Variants in DDAH1 observed in about 807,000 individuals in gnomAD.
DDAH1 encodes the protein N(G),N(G)-dimethylarginine dimethylaminohydrolase 1.
Under a neutral mutation model 28.8 loss-of-function variants are expected in DDAH1, and 19 were observed. The ratio of observed to expected loss-of-function variants is 0.66; its 90% CI spans 0.46 to 0.97. The LOEUF is 0.97. DDAH1 is among the 50% of genes least tolerant of loss of function. The probability of loss-of-function intolerance (pLI) is 0.00; values close to 1 mark genes in which losing one functional copy is unlikely to be tolerated. For missense variants in DDAH1, 326 were observed against 375.9 expected (o/e 0.87, Z 1.10); for synonymous variants, 153 against 154.4 (o/e 0.99, Z 0.07).
chr1:85,418,030 T>C lies in DDAH1; in HGVS notation c.303+46713A>G, dbSNP rs137873278. 2.6e-3 allele frequency among the ~76,000 whole-genome samples: 402 copies of C among 152,338 alleles called. 4 individuals carry two copies. Among genetic ancestry groups the C allele is most frequent in the African/African-American group, 9.3e-3 (388 of 41,576 alleles). On this transcript the variant is annotated intron_variant, in intron 1 of 5. Transcript: ENST00000284031. ...GCAGAAGATAAGCTTTCAGACAGTT[T>C]GATTAGGATGGGCATAATGACCAAA...
At chr1:85,348,442 G>A (rs1475521327) in intron 4 of DDAH1, among the ~76,000 whole-genome samples, 2 of 152,096 alleles carry the variant, frequency 1.3e-5, no homozygotes, top group Non-Finnish European at 2.9e-5. Context: ...CTTCCTCACT[G>A]TTAAGTTCCT....
At chr1:85,468,818 G>A (rs951688023), upstream of DDAH1, among the ~76,000 whole-genome samples, 2 of 152,016 alleles carry the variant, frequency 1.3e-5, no homozygotes, top group African/African-American at 2.4e-5. Flanking sequence ...GCGCCTAGCC[G>A]GGAACTCTCC....
intron 2 of DDAH1, chr1:85,495,235 T>C (rs180842629): frequency 2.3e-4 from 35 of 152,128 alleles, no homozygotes; most frequent in African/African-American, 8.2e-4. Context: ...TTCAAGGAAT[T>C]TACAATCTGG....
At chr1:85,331,279 C>G (rs1218299603) in intron 4 of DDAH1, among the ~76,000 whole-genome samples, 1 of 152,104 alleles carries the variant, frequency 6.6e-6, no homozygotes, top group Non-Finnish European at 1.5e-5. Context: ...TTAAAAAATC[C>G]TGGGCTATGT....
rs549533676 is a variant in DDAH1 at position 85,452,615 on chromosome 1, C to T, written c.303+12128G>A. Among the ~76,000 whole-genome samples, 4 of 151,922 alleles carry T rather than the reference C, an allele frequency of 2.6e-5. No individual in the cohort carries two copies. In the South Asian group the frequency reaches 8.3e-4, roughly 32 times the overall value. ...GTTGAACTTAAAATTTGAAAATCAC[C>T]ATCTAGACCTAGAGTAAAAGAACAA... On this transcript the variant is annotated intron_variant, in intron 1 of 5. Coordinates refer to ENST00000284031, the MANE Select transcript of DDAH1 (RefSeq NM_012137.4).
intron 2 of DDAH1, among the ~76,000 whole-genome samples, chr1:85,492,498 T>C (rs624860): frequency 0.99 from 151,124 of 152,318 alleles, 74,987 homozygotes; most frequent in Middle Eastern, 1. Context: ...CTCGAAAGGA[T>C]ATAGATAAGC....
intron 4 of DDAH1, 143 bp from the exon 5 acceptor site, chr1:85,325,026 AC>A (rs1647287023): frequency 1.1e-6 from 1 of 899,608 alleles, no homozygotes; most frequent in Non-Finnish European, 1.6e-6. Flanking sequence ...ACCTCCAGTC[AC>A]TTAGAACCAG....
intron 1 of DDAH1, among the ~76,000 whole-genome samples, chr1:85,447,582 T>A (rs1654492454): frequency 6.6e-6 from 1 of 152,174 alleles, no homozygotes; most frequent in African/African-American, 2.4e-5. Context: ...ATGTTTCAGT[T>A]ATTTGCAACC....
chr1:85,563,988 A>T (rs1026686166), intron 1 of DDAH1, among the ~76,000 whole-genome samples: 1 of 152,200 alleles, frequency 6.6e-6, no homozygotes, highest in African/African-American at 2.4e-5. Flanking sequence ...CCTGGTCAAC[A>T]TGGTGAAACC....
chr1:85,537,240 C>T (rs557067808), intron 1 of DDAH1, among the ~76,000 whole-genome samples: 1 of 150,988 alleles, frequency 6.6e-6, no homozygotes, highest in African/African-American at 2.4e-5. Flanking sequence ...AGGTTGAGGT[C>T]GGAGGATCAC....
chr1:85,369,604 C>G (rs147298652), intron 1 of DDAH1, among the ~76,000 whole-genome samples: 1 of 152,276 alleles, frequency 6.6e-6, no homozygotes, highest in East Asian at 1.9e-4. Context: ...TGTTCATTTG[C>G]TTAGTCATTC....
chr1:85,393,679 T>G, intron 1 of DDAH1, among the ~76,000 whole-genome samples: 1 of 152,222 alleles, frequency 6.6e-6, no homozygotes, highest in Admixed American at 6.5e-5. Context: ...TTTATAGTAC[T>G]TTTCCTGCCC....
Position 85,464,823 on chromosome 1 carries a change from C to T in DDAH1, c.223G>A (p.Val75Ile), listed in dbSNP as rs748885831. ...ACCACGGCCACGTCCTCCACGAAGA[C>T]GCAGTCCGGAAGGCTCTCGTCGGCC... is the stretch of plus-strand genomic sequence containing the variant. Reference protein sequence around the residue: ...LPADESLPDCVFVEDVAVVCE... With the variant: ...LPADESLPDCIFVEDVAVVCE... The change falls in exon 1 of 6, where the codon GTC becomes ATC. Residue 75 changes from valine (V) to isoleucine (I), a missense_variant. Val to Ile is a conservative substitution (Grantham distance 29). Transcript: ENST00000284031. The surrounding 1 kb of genome is among the most constrained non-coding windows in gnomAD (Gnocchi z 4.4). 3.1e-6 allele frequency: 5 copies of T among 1,588,632 alleles called. No homozygotes were observed. In the South Asian group the frequency reaches 4.5e-5, roughly 14 times the overall value.
At chr1:85,549,927 C>T (rs1420661547) in intron 1 of DDAH1, among the ~76,000 whole-genome samples, 1 of 151,912 alleles carries the variant, frequency 6.6e-6, no homozygotes, top group Non-Finnish European at 1.5e-5. Flanking sequence ...CACTGGAACC[C>T]AGAGCTCTTC....
intron 1 of DDAH1, among the ~76,000 whole-genome samples, chr1:85,384,276 TCAAG>T (rs1472301084): frequency 3.9e-5 from 6 of 152,290 alleles, no homozygotes; most frequent in Non-Finnish European, 5.9e-5. Context: ...ACCCAAAGAC[TCAAG>T]TAACAATCCT....
At chr1:85,495,861 C>T (rs945553463) in intron 2 of DDAH1, 1 of 152,160 alleles carries the variant, frequency 6.6e-6, no homozygotes, top group African/African-American at 2.4e-5. Context: ...CGAGTGGCAA[C>T]GTTACAGACG....
intron 1 of DDAH1, among the ~76,000 whole-genome samples, chr1:85,527,481 C>G (rs2604082): frequency 6.6e-6 from 1 of 152,142 alleles, no homozygotes; most frequent in African/African-American, 2.4e-5. Flanking sequence ...AAAAGCAGTA[C>G]TATAATGTTA....
intron 1 of DDAH1, among the ~76,000 whole-genome samples, chr1:85,376,142 T>G (rs1650654151): frequency 6.6e-6 from 1 of 152,168 alleles, no homozygotes; most frequent in South Asian, 2.1e-4. Flanking sequence ...AAGCAAACAA[T>G]AATGTACAAT....
chr1:85,566,853 T>C (rs188904077), intron 1 of DDAH1, among the ~76,000 whole-genome samples: 225 of 152,270 alleles, frequency 1.5e-3, no homozygotes, highest in African/African-American at 5.1e-3. Context: ...AATTGGCTTA[T>C]GTGAGTATGG....
Sources: allele counts gnomAD v4.1 joint callset (sites outside exome capture counted in the v4.1 genomes callset), GRCh38; gene constraint gnomAD v4.1.1; non-coding constraint Gnocchi (gnomAD v3.1); transcripts MANE v1.5; gene names NCBI Gene and HGNC (gene_info 2026-07-23, HGNC 2026-07-21).